Variants in STXBP6 observed in about 807,000 individuals in gnomAD.
The protein encoded by STXBP6 is syntaxin-binding protein 6.
In STXBP6, 21 loss-of-function variants were observed where a neutral mutation model predicts 26.9. The ratio of observed to expected loss-of-function variants is 0.78; its 90% CI spans 0.55 to 1.12. The LOEUF (loss-of-function observed/expected upper bound fraction) is 1.12, where lower values mean the gene tolerates loss of function less well. Ranked by LOEUF, STXBP6 falls within the 50% of genes most tolerant of loss-of-function variation. The probability of loss-of-function intolerance (pLI) is 0.00; values close to 1 mark genes in which losing one functional copy is unlikely to be tolerated. For missense variants in STXBP6, 232 were observed against 257.9 expected, an observed-to-expected ratio of 0.90 and a Z score of 0.69; for synonymous variants, 97 against 92.6, an observed-to-expected ratio of 1.05 and a Z score of -0.27.
Position 24,882,242 on chromosome 14 carries a change from A to G in STXBP6, c.155-25085T>C, listed in dbSNP as rs550093639. Among the ~76,000 whole-genome samples the G allele has an allele frequency of 3.2e-3, 472 of 149,012 alleles. 4 individuals carry two copies. Among genetic ancestry groups the G allele is most frequent in the African/African-American group, 8.9e-3 (363 of 40,700 alleles). ...AAAATACAAAAAATTAGCCGGGCGTAGTGGCGGGCGCCTGTAGTCCCAGCT... is the reference window on the plus strand; with the variant it reads ...AAAATACAAAAAATTAGCCGGGCGTGGTGGCGGGCGCCTGTAGTCCCAGCT... On this transcript the variant is annotated intron_variant, in intron 2 of 5. Transcript: ENST00000323944.
chr14:24,831,725 G>A (rs1481600921), intron 4 of STXBP6, among the ~76,000 whole-genome samples: 1 of 152,174 alleles, frequency 6.6e-6, no homozygotes, highest in African/African-American at 2.4e-5. Flanking sequence ...TTGGTTCTTA[G>A]AGAAGTTTTA....
chr14:25,023,020 C>A (rs2075287287), intron 1 of STXBP6, among the ~76,000 whole-genome samples: 1 of 152,166 alleles, frequency 6.6e-6, no homozygotes, highest in Admixed American at 6.5e-5. Context: ...TGGTCCTAAC[C>A]TGAATGTTGG....
intron 1 of STXBP6, among the ~76,000 whole-genome samples, chr14:25,039,838 C>G (rs933781197): frequency 6.6e-6 from 1 of 152,038 alleles, no homozygotes; most frequent in African/African-American, 2.4e-5. Context: ...TCCCGAGTAG[C>G]TGGGATTACA....
intron 2 of STXBP6, among the ~76,000 whole-genome samples, chr14:24,915,686 C>A (rs1033050525): frequency 2.0e-5 from 3 of 152,160 alleles, no homozygotes; most frequent in South Asian, 2.1e-4. Context: ...TACCCACAAC[C>A]CTGTTCAGCT....
At position 25,027,161 on chromosome 14, in the gene STXBP6, G is replaced by A. The variant is rs527997214; in HGVS notation, c.-33+22717C>T. 1.1e-4 allele frequency among the ~76,000 whole-genome samples: 16 copies of A among 152,270 alleles called. No homozygotes were observed. The East Asian group carries it at 3.1e-3, about 29-fold the overall frequency. On this transcript the variant is annotated intron_variant, in intron 1 of 5. Transcript: ENST00000323944. Reference sequence around the variant, plus strand: ...CCCGTAATGCATAGATACAAGCATAGTTTGTTTATTGTGCTTTATTGCACT... The same window carrying A: ...CCCGTAATGCATAGATACAAGCATAATTTGTTTATTGTGCTTTATTGCACT...
intron 5 of STXBP6, chr14:24,817,727 A>ACT (rs10694766): frequency 0.67 from 140,709 of 210,662 alleles, 48,194 homozygotes; most frequent in South Asian, 0.8. Context: ...ATCCAAGTTC[A>ACT]CTCTCTGCCT....
At chr14:24,883,946 G>T (rs1247835633) in intron 2 of STXBP6, among the ~76,000 whole-genome samples, 1 of 152,068 alleles carries the variant, frequency 6.6e-6, no homozygotes, top group Admixed American at 6.5e-5. Context: ...TTTAAAACAA[G>T]GTTTAAACAT....
chr14:24,825,800 G>A (rs1225862876), intron 4 of STXBP6, among the ~76,000 whole-genome samples: 1 of 152,216 alleles, frequency 6.6e-6, no homozygotes, highest in Non-Finnish European at 1.5e-5. Context: ...ATTTTATTCA[G>A]GTCTCTTTAA....
intron 1 of STXBP6, among the ~76,000 whole-genome samples, chr14:24,984,626 G>A (rs1312444043): frequency 6.6e-6 from 1 of 152,194 alleles, no homozygotes; most frequent in Admixed American, 6.5e-5. Context: ...TCATGCCAGT[G>A]TAGTACAATC....
At chr14:24,842,238 C>T (rs926643293) in intron 4 of STXBP6, among the ~76,000 whole-genome samples, 1 of 152,190 alleles carries the variant, frequency 6.6e-6, no homozygotes, top group Non-Finnish European at 1.5e-5. Flanking sequence ...CAATTGGTCA[C>T]AGCGTATTTG....
At chr14:24,940,269 TC>T (rs1240801766) in intron 2 of STXBP6, among the ~76,000 whole-genome samples, 1 of 152,210 alleles carries the variant, frequency 6.6e-6, no homozygotes, top group African/African-American at 2.4e-5. Context: ...AAGGATGGTT[TC>T]AGTTCTAAAA....
chr14:24,929,815 A>C (rs1221930450), intron 2 of STXBP6, among the ~76,000 whole-genome samples: 1 of 152,224 alleles, frequency 6.6e-6, no homozygotes, highest in South Asian at 2.1e-4. Context: ...AACGTGTTCC[A>C]CTAACTTCTT....
chr14:24,855,825 T>C (rs536319530), intron 4 of STXBP6, 111 bp downstream of exon 4: 4 of 1,026,078 alleles, frequency 3.9e-6, no homozygotes, highest in African/African-American at 1.6e-5. Context: ...TCTGAGCATA[T>C]TGATTCTTCT....
At chr14:25,017,224 G>A (rs943299826) in intron 1 of STXBP6, among the ~76,000 whole-genome samples, 11 of 152,162 alleles carry the variant, frequency 7.2e-5, no homozygotes, top group Non-Finnish European at 1.0e-4. Context: ...CTCTACGGCC[G>A]CCCCTATGTG....
At chr14:24,888,656 T>C (rs1332506528) in intron 2 of STXBP6, among the ~76,000 whole-genome samples, 1 of 150,852 alleles carries the variant, frequency 6.6e-6, no homozygotes, top group Non-Finnish European at 1.5e-5. Flanking sequence ...CCGGGAGGTG[T>C]AGGCTGCAGT....
intron 2 of STXBP6, among the ~76,000 whole-genome samples, chr14:24,877,785 G>T (rs911463344): frequency 6.6e-6 from 1 of 152,132 alleles, no homozygotes; most frequent in Non-Finnish European, 1.5e-5. Context: ...AAGTGGATTG[G>T]ATTACACACT....
intron 1 of STXBP6, among the ~76,000 whole-genome samples, chr14:25,007,949 G>C (rs2074940800): frequency 6.6e-6 from 1 of 152,288 alleles, no homozygotes; most frequent in East Asian, 1.9e-4. Flanking sequence ...CTTCTGCTAA[G>C]TTTTCACCTA....
At chr14:24,849,438 A>T (rs1012624358) in intron 4 of STXBP6, among the ~76,000 whole-genome samples, 9 of 152,148 alleles carry the variant, frequency 5.9e-5, no homozygotes, top group Non-Finnish European at 8.8e-5. Flanking sequence ...AATGGATATA[A>T]GGAAAAGAAG....
At chr14:24,954,332 A>G (rs915300644) in intron 2 of STXBP6, among the ~76,000 whole-genome samples, 5 of 152,080 alleles carry the variant, frequency 3.3e-5, no homozygotes, top group African/African-American at 1.2e-4. Flanking sequence ...ACTGAAGGGG[A>G]AGAGAAGACT....
Sources: allele counts gnomAD v4.1 joint callset (sites outside exome capture counted in the v4.1 genomes callset), GRCh38; gene constraint gnomAD v4.1.1; transcripts MANE v1.5; gene names NCBI Gene and HGNC (gene_info 2026-07-23, HGNC 2026-07-21).